The following TTK variants were observed in gnomAD, a reference collection of about 807,000 sequenced individuals.
TTK encodes the protein TTK protein kinase.
TTK carries 59 observed loss-of-function variants against 117.3 expected under a neutral mutation model. The observed-to-expected ratio is 0.50, with a 90% CI of 0.41 to 0.62. TTK has a LOEUF of 0.62. Ranked by LOEUF, TTK falls within the 20% of genes least tolerant of loss-of-function variation. The pLI, the probability that TTK is intolerant of heterozygous loss-of-function variation, is 0.00. For synonymous variants in TTK, 302 were observed against 325.0 expected, an observed-to-expected ratio of 0.93 and a Z score of 0.76; for missense variants, 921 against 989.4, an observed-to-expected ratio of 0.93 and a Z score of 0.93.
chr6:80,038,835 TA>T (rs1287144952), intron 18 of TTK, among the ~76,000 whole-genome samples: 2 of 152,154 alleles, frequency 1.3e-5, no homozygotes, highest in Non-Finnish European at 2.9e-5. Flanking sequence ...TTGTTCTTCT[TA>T]AATAAGCAGT....
intron 10 of TTK, among the ~76,000 whole-genome samples, chr6:80,018,033 G>C (rs985363839): frequency 1.3e-5 from 2 of 151,920 alleles, no homozygotes; most frequent in Non-Finnish European, 2.9e-5. Context: ...AAGTTAGCTG[G>C]GTGTGGTGGT....
chr6:80,036,708 G>C, intron 17 of TTK, 109 bp downstream of exon 17: 4 of 1,178,002 alleles, frequency 3.4e-6, no homozygotes, highest in East Asian at 2.7e-5. Flanking sequence ...TTCTTCAAAG[G>C]ATTTGAAGTC....
Position 80,042,345 on chromosome 6 carries a change from A to G in TTK, c.*143A>G. On this transcript the variant is annotated 3_prime_UTR_variant, in exon 22 of 22. Coordinates refer to ENST00000369798, the MANE Select transcript of TTK (RefSeq NM_003318.5). ...AAAAAATTCAGTAGATTATCTTTAA[A>G]AGAAAACTGTAAAAATAGCAACCAC... 1 of 558,024 alleles carries G rather than the reference A, an allele frequency of 1.8e-6. No individual in the cohort carries two copies. Among genetic ancestry groups the G allele is most frequent in the South Asian group, 3.8e-5 (1 of 26,138 alleles). The allele number at this position is 558,024 out of a possible 1,614,324, so 34.6% of individuals were successfully genotyped here. A position where few individuals can be genotyped will look rare whatever the true frequency, so the allele number is the denominator to read the frequency against.
intron 13 of TTK, among the ~76,000 whole-genome samples, chr6:80,029,087 T>A (rs1326421534): frequency 1.3e-5 from 2 of 152,042 alleles, no homozygotes; most frequent in African/African-American, 4.8e-5. Context: ...AATAAAACAA[T>A]AAAAAACCCA....
At position 80,013,386 on chromosome 6, in the gene TTK, T is replaced by C; in HGVS notation, c.984+20T>C. The C allele has an allele frequency of 6.4e-7, 1 of 1,564,596 alleles. No homozygotes were observed. Among genetic ancestry groups the C allele is most frequent in the African/African-American group, 1.4e-5 (1 of 72,704 alleles). On this transcript the variant is annotated intron_variant, in intron 9 of 21. Coordinates refer to ENST00000369798, the MANE Select transcript of TTK (RefSeq NM_003318.5). ...TTAAAGGTATTTTAATTCTATATCA[T>C]TATATAAAGCAAGGGTTCCTGATCT... is the stretch of plus-strand genomic sequence containing the variant.
chr6:80,013,414 G>T (rs1385623799), intron 9 of TTK, 48 bp downstream of exon 9: 19 of 1,451,400 alleles, frequency 1.3e-5, no homozygotes, highest in Non-Finnish European at 1.7e-5. Flanking sequence ...CCTGATCTGG[G>T]AGGATCAGTA....
rs1768000245 is a variant in TTK at position 80,039,852 on chromosome 6, G to A, written c.2287G>A (p.Asp763Asn). ...TGAATTTCCCGATATTCCAGAGAAA[G>A]ATCTTCAAGATGTGTTAAAGGTAAT... ...EIEFPDIPEK[D>N]LQDVLKCCLK... The change falls in exon 19 of 22, where the codon GAT becomes AAT. Residue 763 changes from aspartate (D) to asparagine (N), a missense_variant. Asp to Asn is a conservative substitution (Grantham distance 23). Coordinates refer to ENST00000369798, the MANE Select transcript of TTK (RefSeq NM_003318.5). The A allele has an allele frequency of 5.1e-6, 8 of 1,573,970 alleles. No individual in the cohort carries two copies. Among genetic ancestry groups the A allele is most frequent in the Non-Finnish European group, 6.9e-6 (8 of 1,162,912 alleles).
chr6:80,038,525 T>C (rs542967807), intron 18 of TTK, among the ~76,000 whole-genome samples: 30 of 152,270 alleles, frequency 2.0e-4, no homozygotes, highest in Admixed American at 7.9e-4. Flanking sequence ...ACTTGCCTAG[T>C]TTCCCTGTCT....
rs144192140 is a variant in TTK, at chr6:80,011,729, A to G, written c.729A>G (p.Gly243=). 3 of 1,612,524 alleles carry G rather than the reference A, an allele frequency of 1.9e-6. No individual in the cohort carries two copies. Among genetic ancestry groups the G allele is most frequent in the Admixed American group, 3.3e-5 (2 of 59,806 alleles). The change falls in exon 7 of 22, where the codon GGA becomes GGG. Residue 243 remains glycine, a splice_region_variant and synonymous_variant. Coordinates refer to ENST00000369798, the MANE Select transcript of TTK (RefSeq NM_003318.5). ...TTGGGGGTATTTTCTTTCTGTTTAG[A>G]GAGAACATGCCACCACAAGATGCAG... ...GQTTKARFLY[G]ENMPPQDAEI... is the part of the protein sequence containing the mutation.
rs77602623 is a variant in TTK, at chr6:80,006,753, A to T, written c.139+771A>T. On this transcript the variant is annotated intron_variant, in intron 2 of 21. Transcript: ENST00000369798. ...AGATGGCAATGTGTGTTTTTTAGAC[A>T]TTTCACAGACTAATTTCTTAGGAAA... Among the ~76,000 whole-genome samples the T allele has an allele frequency of 4.5e-3, 684 of 152,290 alleles. 5 individuals are homozygous for T. The highest frequency in any genetic ancestry group is 0.016 in the African/African-American group (649 of 41,586).
At chr6:80,039,635 G>GT (rs930003275) in intron 18 of TTK, 61 bp from the exon 19 acceptor site, 13 of 1,302,730 alleles carry the variant, frequency 1.0e-5, no homozygotes, top group Middle Eastern at 2.4e-4. Context: ...TAATATATAT[G>GT]TTTTTTCATT....
chr6:80,027,892 A>G lies in TTK; in HGVS notation c.1402A>G (p.Thr468Ala). ...TATATATATATTTCCTAGTTTTAGA[A>G]CTCCAGTTGTAAAGAATGACTTTCC... ...TLDDYMSCFRTPVVKNDFPPA... is the reference protein window; with the variant it reads ...TLDDYMSCFRAPVVKNDFPPA... The change falls in exon 13 of 22, where the codon ACT becomes GCT. Residue 468 changes from threonine (T) to alanine (A), a missense_variant. By Grantham distance (58) the Thr-to-Ala change is moderately conservative. Coordinates refer to ENST00000369798, the MANE Select transcript of TTK (RefSeq NM_003318.5). 6.3e-7 allele frequency: 1 copy of G among 1,589,526 alleles called. No homozygotes were observed. The highest frequency in any genetic ancestry group is 8.6e-7 in the Non-Finnish European group (1 of 1,167,398).
At position 80,007,821 on chromosome 6, in the gene TTK, C is replaced by A; in HGVS notation, c.152C>A (p.Thr51Asn). The A allele has an allele frequency of 6.2e-7, 1 of 1,610,696 alleles. No individual in the cohort carries two copies. The highest frequency in any genetic ancestry group is 1.7e-4 in the Middle Eastern group (1 of 6,042). ...ISADTTDNSG[T>N]VNQIMMMANN... ...TCCCCTTATTTAGATAACTCGGGAA[C>A]TGTTAACCAAATTATGATGATGGCA... Residue 51 changes from threonine (T) to asparagine (N), a missense_variant, in exon 3 of 22, where the codon ACT becomes AAT. Transcript: ENST00000369798.
chr6:80,017,162 G>C (rs921585690), intron 10 of TTK, among the ~76,000 whole-genome samples: 10 of 152,328 alleles, frequency 6.6e-5, no homozygotes, highest in African/African-American at 2.2e-4. Flanking sequence ...TGGATATCCA[G>C]GTGACCTGGC....
At chr6:80,014,677 A>T in intron 10 of TTK, 91 bp downstream of exon 10, 1 of 1,286,134 alleles carries the variant, frequency 7.8e-7, no homozygotes, top group Non-Finnish European at 1.1e-6. Context: ...AAGAATTATG[A>T]TGTGAAACTG....
chr6:80,020,983 C>T (rs1767443453), intron 10 of TTK, among the ~76,000 whole-genome samples: 1 of 152,230 alleles, frequency 6.6e-6, no homozygotes, highest in South Asian at 2.1e-4. Flanking sequence ...GACAGCACTG[C>T]AGAGTGACCT....
In TTK at chr6:80,040,628, C is replaced by T; in HGVS notation, c.2415C>T (p.Thr805=). The T allele has an allele frequency of 6.2e-7, 1 of 1,611,560 alleles. No homozygotes were observed. The highest frequency in any genetic ancestry group is 8.5e-7 in the Non-Finnish European group (1 of 1,178,462). ...TAGTTAACCAAATGGCCAAGGGAAC[C>T]ACTGAAGAAATGAAATATGTTCTGG... is the stretch of plus-strand genomic sequence containing the variant. The part of the protein sequence containing the change: ...THPVNQMAKG[T]TEEMKYVLGQ... The change falls in exon 21 of 22, where the codon ACC becomes ACT. Residue 805 remains threonine (T), a synonymous_variant. Coordinates refer to ENST00000369798, the MANE Select transcript of TTK (RefSeq NM_003318.5).
intron 10 of TTK, among the ~76,000 whole-genome samples, chr6:80,017,392 C>A (rs565685802): frequency 6.6e-6 from 1 of 152,314 alleles, no homozygotes; most frequent in Non-Finnish European, 1.5e-5. Flanking sequence ...ATCCTTCTAC[C>A]TCAGCCTCCT....
intron 14 of TTK, 152 bp from the exon 15 acceptor site, chr6:80,034,833 C>G: frequency 1.8e-6 from 1 of 564,544 alleles, no homozygotes; most frequent in Non-Finnish European, 2.7e-6. Flanking sequence ...ATTTTTCTTC[C>G]TTCTACACTC....
Sources: allele counts gnomAD v4.1 joint callset (sites outside exome capture counted in the v4.1 genomes callset), GRCh38; gene constraint gnomAD v4.1.1; transcripts MANE v1.5; gene names NCBI Gene and HGNC (gene_info 2026-07-23, HGNC 2026-07-21).